APBA2: variants seen among roughly 807,000 people sequenced by gnomAD.
APBA2 encodes the protein amyloid-beta A4 precursor protein-binding family A member 2.
APBA2 carries 30 observed loss-of-function variants against 75.0 expected under a neutral mutation model. That is an observed-to-expected ratio of 0.40 (90% confidence interval 0.30 to 0.54). The LOEUF (loss-of-function observed/expected upper bound fraction) is 0.54. APBA2 is among the 20% of genes least tolerant of loss of function. The pLI, the probability that APBA2 is intolerant of heterozygous loss-of-function variation, is 0.49. For synonymous variants in APBA2, 444 were observed against 409.6 expected, an observed-to-expected ratio of 1.08 and a Z score of -1.01; for missense variants, 801 against 1,016.1, an observed-to-expected ratio of 0.79 and a Z score of 2.88.
At chr15:29,008,864 G>C (rs1025985948) in intron 3 of APBA2, among the ~76,000 whole-genome samples, 1 of 152,166 alleles carries the variant, frequency 6.6e-6, no homozygotes, top group Admixed American at 6.5e-5. Context: ...CACCTCTCCT[G>C]TTCTCTCTGA....
intron 2 of APBA2, among the ~76,000 whole-genome samples, chr15:28,989,796 G>A (rs1385694095): frequency 3.3e-5 from 5 of 152,196 alleles, no homozygotes; most frequent in South Asian, 4.1e-4. Context: ...AGACGTAGAC[G>A]TGGCTAAGCT....
intron 1 of APBA2, among the ~76,000 whole-genome samples, chr15:28,920,845 A>C (rs1268577528): frequency 6.6e-6 from 1 of 152,120 alleles, no homozygotes; most frequent in Non-Finnish European, 1.5e-5. Context: ...TAATAAGGAA[A>C]CTGAGGCACA....
At chr15:29,006,036 C>T (rs934701260) in intron 3 of APBA2, among the ~76,000 whole-genome samples, 18 of 152,134 alleles carry the variant, frequency 1.2e-4, no homozygotes, top group Admixed American at 3.9e-4. Context: ...GACAAGGATG[C>T]CCCCTTTCAC....
intron 3 of APBA2, among the ~76,000 whole-genome samples, chr15:29,017,214 C>T (rs935363819): frequency 7.2e-4 from 110 of 152,122 alleles, no homozygotes; most frequent in African/African-American, 2.6e-3. Flanking sequence ...CAGATGCACC[C>T]GGAGCTTGCT....
intron 4 of APBA2, among the ~76,000 whole-genome samples, chr15:29,057,043 T>A (rs1233676756): frequency 6.6e-6 from 1 of 152,126 alleles, no homozygotes; most frequent in Non-Finnish European, 1.5e-5. Flanking sequence ...AGGCCTGGCC[T>A]CAAGCAGGTG....
intron 3 of APBA2, among the ~76,000 whole-genome samples, chr15:28,997,386 A>C (rs11854000): frequency 0.059 from 9,011 of 152,280 alleles, 810 homozygotes; most frequent in African/African-American, 0.2. Context: ...TTGTGCTCTC[A>C]ACAGGCCTTT....
chr15:29,012,618 A>T (rs2039456195), intron 3 of APBA2, among the ~76,000 whole-genome samples: 1 of 152,144 alleles, frequency 6.6e-6, no homozygotes, highest in African/African-American at 2.4e-5. Flanking sequence ...GTATGGACTC[A>T]TGGATATTCA....
Position 29,053,214 on chromosome 15 carries a change from G to A in APBA2, c.-40-631G>A, listed in dbSNP as rs185474681. 3.2e-3 allele frequency among the ~76,000 whole-genome samples: 489 copies of A among 152,306 alleles called. 3 individuals carry two copies. The highest frequency in any genetic ancestry group is 0.011 in the African/African-American group (474 of 41,568). On this transcript the variant is annotated intron_variant, in intron 3 of 14. Transcript: ENST00000683413. ...CTTCTCCCCATGGCCGAGCAGTGCT[G>A]TCCCCTCTGCTGAGCCCTCCAGCCT...
intron 2 of APBA2, among the ~76,000 whole-genome samples, chr15:28,984,783 A>G (rs1241758119): frequency 7.5e-6 from 1 of 133,580 alleles, no homozygotes; most frequent in African/African-American, 3.0e-5. Context: ...CCATCTCTGG[A>G]GTTTGGGGGA....
At chr15:28,941,199 ATG>A (rs1337963535) in intron 2 of APBA2, among the ~76,000 whole-genome samples, 2 of 152,188 alleles carry the variant, frequency 1.3e-5, no homozygotes, top group Non-Finnish European at 2.9e-5. Flanking sequence ...GGGAGGTTCC[ATG>A]TATAGAGGAT....
chr15:28,994,523 T>G (rs1217051096), intron 2 of APBA2, among the ~76,000 whole-genome samples: 1 of 152,188 alleles, frequency 6.6e-6, no homozygotes, highest in African/African-American at 2.4e-5. Flanking sequence ...GCAAGCAGGT[T>G]ACGGCTCTGC....
chr15:29,104,434 C>T (rs2044295737), intron 10 of APBA2, among the ~76,000 whole-genome samples: 1 of 152,262 alleles, frequency 6.6e-6, no homozygotes, highest in Non-Finnish European at 1.5e-5. Flanking sequence ...ACAGCCCTCA[C>T]CTCCCACTGT....
Position 29,117,451 on chromosome 15 carries a change from T to G in APBA2, c.*318T>G. On this transcript the variant is annotated 3_prime_UTR_variant, in exon 15 of 15. Transcript: ENST00000683413. Reference sequence around the variant, plus strand: ...GTGCGTGGTGTGGAGTGTGTGTCTTTCCTCCCTGAAGCTGTGCGGAGCGAA... The same window carrying G: ...GTGCGTGGTGTGGAGTGTGTGTCTTGCCTCCCTGAAGCTGTGCGGAGCGAA... The G allele has an allele frequency of 2.3e-6, 1 of 428,662 alleles. No individual in the cohort carries two copies. Among genetic ancestry groups the G allele is most frequent in the Non-Finnish European group, 4.3e-6 (1 of 231,046 alleles). 26.6% of individuals were successfully genotyped at this position (428,662 alleles called of 1,614,324 possible).
At position 28,941,160 on chromosome 15, in the gene APBA2, C is replaced by T. The variant is rs1228402530; in HGVS notation, c.-95+19411C>T. ...TATATCCTGCTTTTCTTATGCAGGC[C>T]GCACTACTGGGTGAGCAGGTGGCAG... On this transcript the variant is annotated intron_variant, in intron 2 of 14. Coordinates refer to ENST00000683413, the MANE Select transcript of APBA2 (RefSeq NM_001353788.2). 4.6e-5 allele frequency among the ~76,000 whole-genome samples: 7 copies of T among 152,104 alleles called. No homozygotes were observed. In the East Asian group the frequency reaches 9.6e-4, roughly 21 times the overall value.
At chr15:29,082,734 T>C (rs2043136033) in intron 6 of APBA2, among the ~76,000 whole-genome samples, 1 of 152,200 alleles carries the variant, frequency 6.6e-6, no homozygotes, top group Non-Finnish European at 1.5e-5. Context: ...TTGAGGTTAG[T>C]GTGACCATCA....
At chr15:28,968,755 C>T (rs1174006385) in intron 2 of APBA2, among the ~76,000 whole-genome samples, 1 of 152,148 alleles carries the variant, frequency 6.6e-6, no homozygotes, top group Non-Finnish European at 1.5e-5. Context: ...AAAATGAGGT[C>T]ATTAGGGCAG....
Position 29,118,149 on chromosome 15 carries a change from CT to C in APBA2, c.*1023del, listed in dbSNP as rs1567043484. 6.5e-6 allele frequency: 1 copy of C among 152,744 alleles called. No individual in the cohort carries two copies. The allele number at this position is 152,744 out of a possible 1,614,324, so 9.5% of individuals were successfully genotyped here. ...CTGACGTCATCTTGTCTCGAAGTCT[CT>C]TTTTTTGGCCCAGGCCTTGAAGAAT... On this transcript the variant is annotated 3_prime_UTR_variant, in exon 15 of 15. Transcript: ENST00000683413.
chr15:29,073,086 C>A (rs73370225), intron 4 of APBA2, among the ~76,000 whole-genome samples: 4,063 of 152,296 alleles, frequency 0.027, 105 homozygotes, highest in African/African-American at 0.064. Context: ...GGCATATCTG[C>A]CCCCATCAGT....
At chr15:28,895,848 C>G (rs556560502) in intron 1 of APBA2, among the ~76,000 whole-genome samples, 5 of 152,210 alleles carry the variant, frequency 3.3e-5, no homozygotes, top group African/African-American at 4.8e-5. Context: ...CATGGTGGTT[C>G]ATGAGGTAAT....
Sources: gnomAD v4.1 joint callset for allele counts (sites outside exome capture counted in the v4.1 genomes callset) on GRCh38, gnomAD v4.1.1 for gene constraint, MANE v1.5 for transcripts, NCBI Gene and HGNC (gene_info 2026-07-23, HGNC 2026-07-21) for gene names.